The following EYS variants were observed in gnomAD, a reference collection of about 807,000 sequenced individuals.
EYS encodes EGF-like photoreceptor maintenance factor.
EYS carries 250 observed loss-of-function variants against 282.1 expected under a neutral mutation model. The observed-to-expected ratio is 0.89, with a 90% CI of 0.80 to 0.98. EYS has a LOEUF of 0.98. EYS is among the 50% of genes least tolerant of loss of function. EYS has a pLI of 0.00. For synonymous variants in EYS, 1,355 were observed against 1,282.9 expected, an observed-to-expected ratio of 1.06 and a Z score of -1.20; for missense variants, 4,016 against 3,709.0, an observed-to-expected ratio of 1.08 and a Z score of -2.15.
In EYS at chr6:65,057,798, T is replaced by G; in HGVS notation, c.2024-71A>C. Reference sequence around the variant, plus strand: ...CATGTATCAAGTCGTAATTCTTAAATTTGCACAAGCCTTTAATCCACTTAG... The same window carrying G: ...CATGTATCAAGTCGTAATTCTTAAAGTTGCACAAGCCTTTAATCCACTTAG... On this transcript the variant is annotated intron_variant, in intron 12 of 42. Transcript: ENST00000503581. The G allele has an allele frequency of 4.7e-6, 5 of 1,056,384 alleles. No individual in the cohort carries two copies. In the East Asian group the frequency reaches 1.3e-4, roughly 27 times the overall value. 65.4% of individuals were successfully genotyped at this position (1,056,384 alleles called of 1,614,324 possible). A position where few individuals can be genotyped will look rare whatever the true frequency, so the allele number is the denominator to read the frequency against.
intron 26 of EYS, among the ~76,000 whole-genome samples, chr6:64,543,155 T>C (rs1764741710): frequency 6.6e-6 from 1 of 152,150 alleles, no homozygotes; most frequent in Non-Finnish European, 1.5e-5. Flanking sequence ...TTGCCATTAA[T>C]TTATAGCTTT....
chr6:64,159,812 C>A (rs376447749), intron 31 of EYS, among the ~76,000 whole-genome samples: 113 of 152,110 alleles, frequency 7.4e-4, no homozygotes, highest in Middle Eastern at 3.4e-3. Context: ...TTCGTTATAG[C>A]AGGAAATAAG....
intron 12 of EYS, among the ~76,000 whole-genome samples, chr6:65,096,984 C>T (rs1435223446): frequency 6.7e-6 from 1 of 150,320 alleles, no homozygotes. Flanking sequence ...AAAACAATAG[C>T]AAATATAAAG....
intron 35 of EYS, among the ~76,000 whole-genome samples, chr6:63,900,493 C>CT (rs1389361922): frequency 1.3e-5 from 2 of 152,080 alleles, no homozygotes; most frequent in Non-Finnish European, 2.9e-5. Flanking sequence ...TCAAGCAGAT[C>CT]TTAAGGATTG....
chr6:64,702,758 C>T (rs1583058660), intron 22 of EYS, among the ~76,000 whole-genome samples: 3 of 152,134 alleles, frequency 2.0e-5, no homozygotes, highest in African/African-American at 7.2e-5. Context: ...ATGCTATACT[C>T]TGTACTATGC....
rs1402174586 is a variant in EYS at position 64,969,197 on chromosome 6, G to A, written c.2260-23283C>T. On this transcript the variant is annotated intron_variant, in intron 14 of 42. Coordinates refer to ENST00000503581, the MANE Select transcript of EYS (RefSeq NM_001142800.2). ...ATGGACTGTAAAATGATGCTTTGAA[G>A]CTAAATTGTCAGCTGAAAGAAAAAA... Among the ~76,000 whole-genome samples, 6 of 152,148 alleles carry A rather than the reference G, an allele frequency of 3.9e-5. No homozygotes were observed. In the East Asian group the frequency reaches 1.2e-3, roughly 29 times the overall value.
intron 30 of EYS, among the ~76,000 whole-genome samples, chr6:64,246,667 C>T (rs756969675): frequency 6.6e-6 from 1 of 152,124 alleles, no homozygotes; most frequent in Non-Finnish European, 1.5e-5. Flanking sequence ...GTAATGAACA[C>T]TTACCATAGT....
At chr6:63,832,136 C>T (rs1582255241) in intron 36 of EYS, among the ~76,000 whole-genome samples, 2 of 152,054 alleles carry the variant, frequency 1.3e-5, no homozygotes, top group Admixed American at 1.3e-4. Context: ...AATTGACACC[C>T]TAACATCACA....
intron 36 of EYS, among the ~76,000 whole-genome samples, chr6:63,810,948 A>G (rs1771031998): frequency 1.3e-5 from 2 of 152,138 alleles, no homozygotes; most frequent in Admixed American, 1.3e-4. Context: ...CAAATCTTTA[A>G]TTTTTATCCA....
intron 19 of EYS, among the ~76,000 whole-genome samples, chr6:64,871,469 T>C (rs1766596205): frequency 6.6e-6 from 1 of 151,982 alleles, no homozygotes; most frequent in Admixed American, 6.6e-5. Flanking sequence ...TGTTTTCTTT[T>C]AGGCCTGAAA....
chr6:64,827,798 A>T (rs2150026056), intron 19 of EYS, among the ~76,000 whole-genome samples: 1 of 152,044 alleles, frequency 6.6e-6, no homozygotes, highest in South Asian at 2.1e-4. Context: ...ATTTCCAGAT[A>T]GGCAGTCCAG....
chr6:65,023,373 A>C (rs1772305481), intron 13 of EYS, among the ~76,000 whole-genome samples: 1 of 152,164 alleles, frequency 6.6e-6, no homozygotes, highest in Admixed American at 6.6e-5. Context: ...CCACCACTGG[A>C]ACAGATATAA....
intron 38 of EYS, 51 bp from the exon 39 acceptor site, chr6:63,788,300 G>A (rs796643093): frequency 2.2e-6 from 3 of 1,356,920 alleles, no homozygotes; most frequent in African/African-American, 3.0e-5. Context: ...TCCCCAGGGT[G>A]AAATGTTAAG....
intron 33 of EYS, among the ~76,000 whole-genome samples, chr6:64,023,101 C>A (rs766007347): frequency 6.6e-5 from 10 of 152,218 alleles, no homozygotes; most frequent in African/African-American, 2.2e-4. Context: ...TAAGTGGAAT[C>A]ATATAATACT....
intron 30 of EYS, among the ~76,000 whole-genome samples, chr6:64,252,692 T>C (rs940640920): frequency 6.6e-6 from 1 of 152,192 alleles, no homozygotes; most frequent in African/African-American, 2.4e-5. Flanking sequence ...CTTTCCCTGA[T>C]GGATGCTTAT....
chr6:63,914,664 C>T (rs755446728), intron 35 of EYS, among the ~76,000 whole-genome samples: 19 of 151,100 alleles, frequency 1.3e-4, no homozygotes, highest in Non-Finnish European at 2.4e-4. Flanking sequence ...GCCAAGATTG[C>T]GCCACTGCAC....
chr6:64,586,212 T>G (rs1766229250), intron 26 of EYS, among the ~76,000 whole-genome samples: 1 of 152,072 alleles, frequency 6.6e-6, no homozygotes, highest in African/African-American at 2.4e-5. Context: ...TTGGCATTTC[T>G]TCCACATGAG....
chr6:64,814,093 A>G (rs904561102), intron 21 of EYS, among the ~76,000 whole-genome samples: 13 of 152,086 alleles, frequency 8.5e-5, no homozygotes, highest in African/African-American at 3.1e-4. Context: ...CATCTGTAAT[A>G]GCTGAAGTTT....
At chr6:65,348,596 G>C (rs558980776) in intron 9 of EYS, among the ~76,000 whole-genome samples, 2 of 151,424 alleles carry the variant, frequency 1.3e-5, no homozygotes, top group Admixed American at 1.3e-4. Context: ...AGAGTTGTTT[G>C]AGCTCCTTCT....
Sources: gnomAD v4.1 joint callset for allele counts (sites outside exome capture counted in the v4.1 genomes callset) on GRCh38, gnomAD v4.1.1 for gene constraint, MANE v1.5 for transcripts, NCBI Gene and HGNC (gene_info 2026-07-23, HGNC 2026-07-21) for gene names.